The following ANK1 variants were observed in gnomAD, a reference collection of about 807,000 sequenced individuals.
ANK1 encodes ankyrin 1, also known as ankyrin-1.
A neutral mutation model predicts 210.4 loss-of-function variants in ANK1; 51 were observed. The observed-to-expected ratio is 0.24, with a 90% CI of 0.19 to 0.31. ANK1 has a LOEUF of 0.31. Among genes scored for constraint, ANK1 ranks in the 10% least tolerant of loss-of-function variants. The pLI, the probability that ANK1 is intolerant of heterozygous loss-of-function variation, is 1.00. For synonymous variants in ANK1, 967 were observed against 1,025.9 expected (o/e 0.94, Z 1.10); for missense variants, 2,051 against 2,504.4 (o/e 0.82, Z 3.86).
intron 1 of ANK1, among the ~76,000 whole-genome samples, chr8:41,762,657 C>A (rs1055915037): frequency 8.5e-5 from 13 of 152,150 alleles, no homozygotes; most frequent in African/African-American, 3.1e-4. Flanking sequence ...CCAGAGAAAA[C>A]CCAGTCAAGG....
At chr8:41,744,536 CTTTTTT>C (rs3063769) in intron 2 of ANK1, among the ~76,000 whole-genome samples, 1 of 125,484 alleles carries the variant, frequency 8.0e-6, no homozygotes. Flanking sequence ...GATTTCTTTT[CTTTTTT>C]TTTTTTTTTT....
intron 1 of ANK1, among the ~76,000 whole-genome samples, chr8:41,831,529 T>A (rs1806606020): frequency 6.6e-6 from 1 of 151,674 alleles, no homozygotes; most frequent in African/African-American, 2.4e-5. Context: ...ATGCCTGTAG[T>A]TCCAGCTACT....
chr8:41,662,975 G>C (rs1808994715), intron 40 of ANK1, among the ~76,000 whole-genome samples: 1 of 151,968 alleles, frequency 6.6e-6, no homozygotes, highest in South Asian at 2.1e-4. Flanking sequence ...GAGTGCAGTG[G>C]CTCAATCATA....
chr8:41,752,846 A>G (rs1319512269), intron 2 of ANK1, among the ~76,000 whole-genome samples: 2 of 149,692 alleles, frequency 1.3e-5, no homozygotes, highest in Non-Finnish European at 3.0e-5. Context: ...TCCATGCGGT[A>G]GCCAGTGAGA....
chr8:41,850,110 T>G (rs1810950897), intron 1 of ANK1, among the ~76,000 whole-genome samples: 1 of 152,162 alleles, frequency 6.6e-6, no homozygotes, highest in Admixed American at 6.5e-5. Flanking sequence ...GTGAAGTCAC[T>G]CGCTTCACCC....
chr8:41,722,848 G>A (rs919657612), intron 9 of ANK1, among the ~76,000 whole-genome samples: 5 of 152,144 alleles, frequency 3.3e-5, no homozygotes, highest in African/African-American at 1.2e-4. Flanking sequence ...TGCTACGTTG[G>A]CAGTGTTGAA....
intron 33 of ANK1, among the ~76,000 whole-genome samples, 172 bp from the exon 34 acceptor site, chr8:41,688,761 G>A (rs1379677224): frequency 1.3e-5 from 2 of 152,194 alleles, no homozygotes; most frequent in African/African-American, 4.8e-5. Flanking sequence ...AGGAGTGGGA[G>A]TGAAGGGAAG....
At chr8:41,738,126 A>C (rs936241555) in intron 2 of ANK1, among the ~76,000 whole-genome samples, 3 of 152,378 alleles carry the variant, frequency 2.0e-5, no homozygotes, top group Admixed American at 2.0e-4. Context: ...AGCTTCGCAG[A>C]GGACTTTTCA....
intron 15 of ANK1, 129 bp from the exon 16 acceptor site, chr8:41,714,383 T>C: frequency 1.5e-6 from 1 of 680,040 alleles, no homozygotes; most frequent in Non-Finnish European, 2.3e-6. Context: ...AGGCCAGTCT[T>C]AACTTGGAGT....
intron 38 of ANK1, among the ~76,000 whole-genome samples, chr8:41,672,055 C>T (rs1456895691): frequency 1.3e-5 from 2 of 151,792 alleles, no homozygotes; most frequent in Admixed American, 1.3e-4. Flanking sequence ...CTCCCGGTGC[C>T]CTAATGTCCC....
intron 1 of ANK1, among the ~76,000 whole-genome samples, chr8:41,833,784 C>T (rs548678777): frequency 1.1e-4 from 16 of 152,192 alleles, no homozygotes; most frequent in African/African-American, 2.9e-4. Context: ...TCAAGGAGGT[C>T]GTGTTCTAGG....
intron 1 of ANK1, among the ~76,000 whole-genome samples, chr8:41,808,830 T>C (rs903054350): frequency 1.5e-4 from 23 of 152,218 alleles, no homozygotes; most frequent in Non-Finnish European, 2.5e-4. Context: ...CCTTAAGATC[T>C]TTCCCAGATA....
At chr8:41,706,371 C>T in intron 17 of ANK1, 130 bp from the exon 18 acceptor site, 1 of 842,578 alleles carries the variant, frequency 1.2e-6, no homozygotes, top group Non-Finnish European at 1.9e-6. Flanking sequence ...CCAGGCAAAG[C>T]TCTTCCTGTT....
At chr8:41,673,376 C>A (rs1181712852) in intron 37 of ANK1, among the ~76,000 whole-genome samples, 2 of 152,128 alleles carry the variant, frequency 1.3e-5, no homozygotes, top group African/African-American at 4.8e-5. Flanking sequence ...CAGGGATGTA[C>A]CTTAAAGGGA....
In ANK1 at chr8:41,698,494, GTAAATGGCCCAGTGGTTTCAC is replaced by G. The variant is rs533152451; in HGVS notation, c.2559-394_2559-374del. Among the ~76,000 whole-genome samples the G allele has an allele frequency of 1.8e-3, 269 of 152,322 alleles. 1 individual carries two copies. The highest frequency in any genetic ancestry group is 6.3e-3 in the African/African-American group (260 of 41,578). On this transcript the variant is annotated intron_variant, in intron 23 of 42. Coordinates refer to ENST00000289734, the MANE Select transcript of ANK1 (RefSeq NM_000037.4). ...CAGATGTCCAGCAAATTCAAATGGA[GTAAATGGCCCAGTGGTTTCAC>G]TCCCTGCTTGTTCATGGGACACTTC...
Position 41,694,830 on chromosome 8 carries a change from C to T in ANK1, c.3116-27G>A. The T allele has an allele frequency of 6.2e-7, 1 of 1,610,580 alleles. No individual in the cohort carries two copies. On this transcript the variant is annotated intron_variant, in intron 27 of 42. Coordinates refer to ENST00000289734, the MANE Select transcript of ANK1 (RefSeq NM_000037.4). The surrounding 1 kb of genome is among the most constrained non-coding windows in gnomAD (Gnocchi z 5.7). ...TGGAATCACACACACAGGCCACCACCCCGGTCACATCAGGCACAGGTTCAG... is the reference window on the plus strand; with the variant it reads ...TGGAATCACACACACAGGCCACCACTCCGGTCACATCAGGCACAGGTTCAG...
In ANK1 at chr8:41,693,888, C is replaced by G; in HGVS notation, c.3532+10G>C. ...GCCGAGAACAGAAGCGAGGCAGGGGCCCCTCTCACCAATGACGCTGCAAAG... is the reference window on the plus strand; with the variant it reads ...GCCGAGAACAGAAGCGAGGCAGGGGGCCCTCTCACCAATGACGCTGCAAAG... On this transcript the variant is annotated intron_variant, in intron 29 of 42. Coordinates refer to ENST00000289734, the MANE Select transcript of ANK1 (RefSeq NM_000037.4). The G allele has an allele frequency of 6.3e-7, 1 of 1,598,910 alleles. No homozygotes were observed.
intron 1 of ANK1, 107 bp from the exon 2 acceptor site, chr8:41,758,244 C>T: frequency 1.0e-6 from 1 of 987,352 alleles, no homozygotes; most frequent in East Asian, 2.4e-5. Flanking sequence ...TCTGATGTGG[C>T]ACCCTGGTGC....
chr8:41,672,948 G>C, intron 37 of ANK1, 36 bp from the exon 38 acceptor site: 1 of 1,566,470 alleles, frequency 6.4e-7, no homozygotes, highest in Non-Finnish European at 8.6e-7. Flanking sequence ...TGCTCCAGCA[G>C]TGATTCCTGT....
Sources: allele counts gnomAD v4.1 joint callset (sites outside exome capture counted in the v4.1 genomes callset), GRCh38; gene constraint gnomAD v4.1.1; non-coding constraint Gnocchi (gnomAD v3.1); transcripts MANE v1.5; gene names NCBI Gene and HGNC (gene_info 2026-07-23, HGNC 2026-07-21).